The following AGBL1 variants were observed in gnomAD, a reference collection of about 807,000 sequenced individuals.
AGBL1 encodes the protein cytosolic carboxypeptidase 4.
A neutral mutation model predicts 118.9 loss-of-function variants in AGBL1; 130 were observed. The observed-to-expected ratio is 1.09, with a 90% CI of 0.95 to 1.26. The LOEUF (loss-of-function observed/expected upper bound fraction) is 1.26. Among genes scored for constraint, AGBL1 ranks in the 50% most tolerant of loss-of-function variants. AGBL1 has a pLI of 0.00. For missense variants in AGBL1, 1,584 were observed against 1,298.1 expected (o/e 1.22, Z -3.38); for synonymous variants, 555 against 478.9 (o/e 1.16, Z -2.08).
intron 5 of AGBL1, among the ~76,000 whole-genome samples, chr15:86,180,407 C>T (rs1292797029): frequency 1.3e-5 from 2 of 152,168 alleles, no homozygotes; most frequent in East Asian, 1.9e-4. Context: ...ATTTTTGGCA[C>T]AGGCAAATTT....
At chr15:86,283,222 C>T (rs1268110762) in intron 16 of AGBL1, among the ~76,000 whole-genome samples, 5 of 151,820 alleles carry the variant, frequency 3.3e-5, no homozygotes, top group Non-Finnish European at 7.4e-5. Context: ...TATAAATAGC[C>T]CCTAGGTAGC....
At chr15:86,342,706 C>T (rs367607529) in intron 17 of AGBL1, among the ~76,000 whole-genome samples, 4 of 152,052 alleles carry the variant, frequency 2.6e-5, no homozygotes, top group South Asian at 2.1e-4. Context: ...TGAAGCTTCT[C>T]GGAGCTTTGA....
At chr15:86,124,816 A>G (rs1446013814) in intron 1 of AGBL1, among the ~76,000 whole-genome samples, 1 of 152,224 alleles carries the variant, frequency 6.6e-6, no homozygotes, top group Non-Finnish European at 1.5e-5. Context: ...TGTAATGCTT[A>G]ACCTAATTAT....
chr15:86,979,463 T>G (rs938325394), intron 23 of AGBL1, among the ~76,000 whole-genome samples: 1 of 151,968 alleles, frequency 6.6e-6, no homozygotes, highest in Non-Finnish European at 1.5e-5. Context: ...TTAAAAGCAA[T>G]GTAGAGGCAC....
intron 23 of AGBL1, among the ~76,000 whole-genome samples, chr15:86,925,238 G>A (rs1053294687): frequency 2.6e-5 from 4 of 151,770 alleles, no homozygotes; most frequent in African/African-American, 9.7e-5. Context: ...ACCTGAACCT[G>A]GGTGGCTTGT....
chr15:86,668,124 C>A (rs2085679929), intron 21 of AGBL1, among the ~76,000 whole-genome samples: 1 of 152,158 alleles, frequency 6.6e-6, no homozygotes, highest in Non-Finnish European at 1.5e-5. Context: ...GGGCACCAAG[C>A]CATCCATAAG....
At chr15:86,384,877 C>T (rs879648654) in intron 17 of AGBL1, among the ~76,000 whole-genome samples, 1 of 152,120 alleles carries the variant, frequency 6.6e-6, no homozygotes, top group Non-Finnish European at 1.5e-5. Context: ...AGAAAGAAGG[C>T]AGCAAAACAG....
intron 22 of AGBL1, among the ~76,000 whole-genome samples, chr15:86,866,078 C>T (rs1228841332): frequency 6.6e-6 from 1 of 152,190 alleles, no homozygotes; most frequent in East Asian, 1.9e-4. Flanking sequence ...GTCATCTACT[C>T]TGCCATTCTT....
At chr15:86,335,948 A>C (rs2080361076) in intron 17 of AGBL1, among the ~76,000 whole-genome samples, 1 of 152,254 alleles carries the variant, frequency 6.6e-6, no homozygotes, top group Non-Finnish European at 1.5e-5. Context: ...AGCTTCAATC[A>C]TCAGCAATCA....
At chr15:86,764,799 T>C (rs1469556932) in intron 22 of AGBL1, among the ~76,000 whole-genome samples, 1 of 152,042 alleles carries the variant, frequency 6.6e-6, no homozygotes, top group Non-Finnish European at 1.5e-5. Flanking sequence ...GGCGTGAACA[T>C]TAAAATGAAT....
At chr15:86,245,331 C>G (rs1342901979) in intron 6 of AGBL1, among the ~76,000 whole-genome samples, 1 of 152,200 alleles carries the variant, frequency 6.6e-6, no homozygotes, top group Non-Finnish European at 1.5e-5. Context: ...TGGGCTCTCC[C>G]TCACACACAC....
chr15:86,700,944 A>C (rs1310927800), intron 22 of AGBL1, among the ~76,000 whole-genome samples: 1 of 152,106 alleles, frequency 6.6e-6, no homozygotes, highest in Non-Finnish European at 1.5e-5. Flanking sequence ...ATCAGGAACC[A>C]TGTGAAATGC....
At chr15:86,938,186 A>G (rs571410226) in intron 23 of AGBL1, among the ~76,000 whole-genome samples, 85 of 152,284 alleles carry the variant, frequency 5.6e-4, no homozygotes, top group Admixed American at 1.1e-3. Context: ...CTTGCTGCCC[A>G]TGGAAGTCTG....
At chr15:86,277,778 CTG>C (rs986573985) in intron 15 of AGBL1, among the ~76,000 whole-genome samples, 1 of 152,168 alleles carries the variant, frequency 6.6e-6, no homozygotes, top group African/African-American at 2.4e-5. Context: ...AGGTGAAGAA[CTG>C]GGGACAGTGA....
chr15:86,092,428 T>C lies in AGBL1; in HGVS notation c.51+12405T>C, dbSNP rs568971587. On this transcript the variant is annotated intron_variant, in intron 1 of 22. Transcript: ENST00000614907. ...TGCTCTTAAATAATGGTAGGTTAGA[T>C]ATTTCAGACCAACCACTGAACTTTA... 3.9e-5 allele frequency among the ~76,000 whole-genome samples: 6 copies of C among 152,292 alleles called. No individual in the cohort carries two copies. The East Asian group carries it at 7.7e-4, about 20-fold the overall frequency.
chr15:86,466,408 G>T (rs1276966413), intron 18 of AGBL1, among the ~76,000 whole-genome samples: 1 of 152,108 alleles, frequency 6.6e-6, no homozygotes, highest in Non-Finnish European at 1.5e-5. Flanking sequence ...TTTTATCAAG[G>T]TTCTTAGCTT....
rs756959933 is a variant in AGBL1, at chr15:86,295,307, G to A, written c.2273G>A (p.Arg758Gln). The A allele has an allele frequency of 1.5e-5, 25 of 1,613,456 alleles. No individual in the cohort carries two copies. The highest frequency in any genetic ancestry group is 1.6e-4 in the Middle Eastern group (1 of 6,076). Residue 758 changes from arginine (R) to glutamine (Q), a missense_variant, in exon 17 of 23, where the codon CGG (arginine) becomes CAG (glutamine). Arg to Gln is a conservative substitution (Grantham distance 43). Coordinates refer to ENST00000614907, the MANE Select transcript of AGBL1 (RefSeq NM_001386094.1). ...GTCAACCTCAAAGAGGTCTACTTCC[G>A]GCAAGATGTTCTCTGCCAGACGCTG... ...KSVNLKEVYF[R>Q]QDVLCQTLGG...
intron 18 of AGBL1, among the ~76,000 whole-genome samples, chr15:86,447,782 A>C (rs1240075606): frequency 6.6e-6 from 1 of 152,188 alleles, no homozygotes; most frequent in African/African-American, 2.4e-5. Flanking sequence ...CAGTTCTTTG[A>C]GATTTTCTGA....
At chr15:86,127,612 A>C (rs947024516) in intron 1 of AGBL1, among the ~76,000 whole-genome samples, 1 of 152,222 alleles carries the variant, frequency 6.6e-6, no homozygotes, top group Non-Finnish European at 1.5e-5. Flanking sequence ...AGAAAATTCT[A>C]TTATGGCGGA....
Sources: allele counts gnomAD v4.1 joint callset (sites outside exome capture counted in the v4.1 genomes callset), GRCh38; gene constraint gnomAD v4.1.1; transcripts MANE v1.5; gene names NCBI Gene and HGNC (gene_info 2026-07-23, HGNC 2026-07-21).